Variants in ABI3BP observed in about 807,000 individuals in gnomAD.
ABI3BP encodes the protein target of Nesh-SH3.
A neutral mutation model predicts 268.6 loss-of-function variants in ABI3BP; 216 were observed. The observed-to-expected ratio is 0.80, with a 90% CI of 0.72 to 0.90. The LOEUF is 0.90. ABI3BP is among the 40% of genes least tolerant of loss of function. ABI3BP has a pLI of 0.00. For synonymous variants in ABI3BP, 730 were observed against 730.0 expected, an observed-to-expected ratio of 1.00 and a Z score of 0.00; for missense variants, 2,090 against 2,182.4, an observed-to-expected ratio of 0.96 and a Z score of 0.84.
intron 6 of ABI3BP, among the ~76,000 whole-genome samples, chr3:100,877,653 A>T (rs1416140410): frequency 6.6e-6 from 1 of 152,198 alleles, no homozygotes; most frequent in Non-Finnish European, 1.5e-5. Flanking sequence ...GTAGGTGAGG[A>T]GAAGGGCAGA....
intron 56 of ABI3BP, among the ~76,000 whole-genome samples, chr3:100,788,821 C>T (rs1005025200): frequency 6.6e-6 from 1 of 151,762 alleles, no homozygotes; most frequent in Non-Finnish European, 1.5e-5. Flanking sequence ...TCCTTAGAAT[C>T]ACAAAGAAAA....
intron 6 of ABI3BP, among the ~76,000 whole-genome samples, chr3:100,882,215 T>C (rs79992918): frequency 0.13 from 19,969 of 152,106 alleles, 1,447 homozygotes; most frequent in Middle Eastern, 0.2. Flanking sequence ...GAAATTAATT[T>C]CATATCTCTT....
intron 42 of ABI3BP, 66 bp downstream of exon 42, chr3:100,817,370 G>A: frequency 8.8e-7 from 1 of 1,141,130 alleles, no homozygotes; most frequent in Non-Finnish European, 1.2e-6. Context: ...ATGTGATTAT[G>A]ATAATGATGG....
intron 4 of ABI3BP, among the ~76,000 whole-genome samples, chr3:100,889,288 G>C (rs1027799401): frequency 1.3e-5 from 2 of 152,102 alleles, no homozygotes; most frequent in African/African-American, 4.8e-5. Context: ...TCTAAGCCCT[G>C]ATAATCAGTG....
In ABI3BP at chr3:100,838,233, G is replaced by A. The variant is rs2098634853; in HGVS notation, c.2060C>T (p.Pro687Leu). 4 of 1,536,326 alleles carry A rather than the reference G, an allele frequency of 2.6e-6. No homozygotes were observed. Among genetic ancestry groups the A allele is most frequent in the African/African-American group, 1.4e-5 (1 of 73,026 alleles). ...LLPKPQTTAE[P>L]DMPPTKSVSE... is the part of the protein sequence containing the mutation. Reference sequence around the variant, plus strand: ...ACCGGATTTAGTTGGTGGCATGTCTGGTTCTGCTGTGGTTTGGGGTTTAGG... The same window carrying A: ...ACCGGATTTAGTTGGTGGCATGTCTAGTTCTGCTGTGGTTTGGGGTTTAGG... Residue 687 changes from proline to leucine, a missense_variant, in exon 26 of 68, where the codon CCA (proline) becomes CTA (leucine). Transcript: ENST00000471714.
At position 100,774,622 on chromosome 3, in the gene ABI3BP, C is replaced by T; in HGVS notation, c.4514G>A (p.Gly1505Glu). 3.2e-6 allele frequency: 5 copies of T among 1,584,314 alleles called. No homozygotes were observed. Among genetic ancestry groups the T allele is most frequent in the Non-Finnish European group, 3.4e-6 (4 of 1,164,754 alleles). The stretch of plus-strand genomic sequence containing the variant: ...ATACATACCTTTGAATCTTGGCTTC[C>T]CAAGAGGATCAGTTTCTCTTGTTGG... ...SSPTRETDPL[G>E]KPRFKGPHVR... The change falls in exon 61 of 68, where the codon GGG (glycine) becomes GAG (glutamate). Residue 1505 changes from glycine to glutamate, a missense_variant. Physicochemically the swap from Gly to Glu is moderately conservative, Grantham distance 98 (BLOSUM62 -2). Coordinates refer to ENST00000471714, the MANE Select transcript of ABI3BP (RefSeq NM_001375547.2).
At chr3:100,974,037 T>C (rs1052326549) in intron 1 of ABI3BP, among the ~76,000 whole-genome samples, 7 of 152,048 alleles carry the variant, frequency 4.6e-5, no homozygotes, top group African/African-American at 1.7e-4. Flanking sequence ...CGAATAGAGA[T>C]ATGGACTCAA....
intron 63 of ABI3BP, among the ~76,000 whole-genome samples, chr3:100,765,039 G>A (rs2096204309): frequency 6.6e-6 from 1 of 151,294 alleles, no homozygotes; most frequent in African/African-American, 2.4e-5. Flanking sequence ...AGCCAAAATA[G>A]GCTCTTTTGA....
intron 50 of ABI3BP, among the ~76,000 whole-genome samples, chr3:100,805,274 G>T (rs906733792): frequency 2.0e-5 from 3 of 152,022 alleles, no homozygotes; most frequent in Non-Finnish European, 4.4e-5. Flanking sequence ...GGTCAGGGTG[G>T]AATCCTATGG....
intron 1 of ABI3BP, among the ~76,000 whole-genome samples, chr3:100,976,355 T>G (rs2086203755): frequency 6.6e-6 from 1 of 152,178 alleles, no homozygotes; most frequent in South Asian, 2.1e-4. Context: ...CATAAAATTG[T>G]GCAGAATGGC....
At chr3:100,949,279 A>G (rs886212455) in intron 1 of ABI3BP, among the ~76,000 whole-genome samples, 3 of 152,134 alleles carry the variant, frequency 2.0e-5, no homozygotes, top group Non-Finnish European at 4.4e-5. Context: ...TATTGTTGAG[A>G]CAGACTCTCG....
At chr3:100,869,824 A>T (rs1271097101) in intron 9 of ABI3BP, among the ~76,000 whole-genome samples, 3 of 152,160 alleles carry the variant, frequency 2.0e-5, no homozygotes, top group Non-Finnish European at 4.4e-5. Context: ...ACACAGCCTA[A>T]AACCCAGGAA....
intron 55 of ABI3BP, 49 bp downstream of exon 55, chr3:100,792,642 A>G (rs1216459045): frequency 6.4e-7 from 1 of 1,560,720 alleles, no homozygotes; most frequent in Non-Finnish European, 8.8e-7. Flanking sequence ...TTTCCTGATT[A>G]AAAGCAAATA....
intron 1 of ABI3BP, among the ~76,000 whole-genome samples, chr3:100,970,317 T>C (rs938138115): frequency 2.6e-5 from 4 of 152,234 alleles, no homozygotes; most frequent in African/African-American, 9.6e-5. Context: ...CTTTGAAATA[T>C]ATTGCTTTTG....
At chr3:100,897,924 GT>G (rs1424215829) in intron 4 of ABI3BP, among the ~76,000 whole-genome samples, 2 of 152,182 alleles carry the variant, frequency 1.3e-5, no homozygotes, top group Non-Finnish European at 1.5e-5. Flanking sequence ...CTAGATGCAA[GT>G]TTCTGAGTTT....
Position 100,842,019 on chromosome 3 carries a change from G to A in ABI3BP, c.1744C>T (p.Leu582=). 1 of 1,534,788 alleles carries A rather than the reference G, an allele frequency of 6.5e-7. No individual in the cohort carries two copies. The highest frequency in any genetic ancestry group is 8.7e-7 in the Non-Finnish European group (1 of 1,145,836). ...TTACCTATTGTTGACTGTGATGGCA[G>A]TAGAGTCTGAGGTTCTGGGGCTGTA... ...TKPAPEPQTL[L]PSQSTIGPET... is the part of the protein sequence containing the mutation. Residue 582 remains leucine, a synonymous_variant, in exon 21 of 68, where the codon CTG becomes TTG. Coordinates refer to ENST00000471714, the MANE Select transcript of ABI3BP (RefSeq NM_001375547.2).
rs566235790 is a variant in ABI3BP at position 100,985,680 on chromosome 3, T to C, written c.79+7626A>G. On this transcript the variant is annotated intron_variant, in intron 1 of 67. Transcript: ENST00000471714. ...AATCTAGGCATTGACTGGGATCCTG[T>C]ATACAGAAAACAAGGTCCATATTGG... 9.8e-5 allele frequency among the ~76,000 whole-genome samples: 15 copies of C among 152,306 alleles called. No individual in the cohort carries two copies. In the South Asian group the frequency reaches 3.1e-3, roughly 32 times the overall value.
At chr3:100,891,288 A>G (rs1243051057) in intron 4 of ABI3BP, among the ~76,000 whole-genome samples, 5 of 152,202 alleles carry the variant, frequency 3.3e-5, no homozygotes, top group African/African-American at 1.2e-4. Flanking sequence ...TAAGTACAAC[A>G]AAAGAAATGT....
chr3:100,890,869 T>C (rs988951129), intron 4 of ABI3BP, among the ~76,000 whole-genome samples: 4 of 152,152 alleles, frequency 2.6e-5, no homozygotes, highest in African/African-American at 9.7e-5. Flanking sequence ...AATCCAAGTA[T>C]ATTTTCTTAC....
Sources: allele counts gnomAD v4.1 joint callset (sites outside exome capture counted in the v4.1 genomes callset), GRCh38; gene constraint gnomAD v4.1.1; transcripts MANE v1.5; gene names NCBI Gene and HGNC (gene_info 2026-07-23, HGNC 2026-07-21).